Variants in SNX25 observed in about 807,000 individuals in gnomAD.
SNX25 encodes the protein sorting nexin-25.
SNX25 carries 62 observed loss-of-function variants against 113.7 expected under a neutral mutation model. That is an observed-to-expected ratio of 0.55 (90% CI 0.44 to 0.67). The LOEUF is 0.67. SNX25 is among the 30% of genes least tolerant of loss of function. SNX25 has a pLI of 0.00. For synonymous variants in SNX25, 421 were observed against 436.2 expected (o/e 0.97, Z 0.43); for missense variants, 1,014 against 1,161.0 (o/e 0.87, Z 1.84).
chr4:185,249,135 CAT>C (rs547370380), intron 2 of SNX25, among the ~76,000 whole-genome samples: 283 of 152,262 alleles, frequency 1.9e-3, no homozygotes, highest in African/African-American at 5.9e-3. Flanking sequence ...TTTCAGTGGA[CAT>C]ATGTTTTTCT....
At chr4:185,264,218 G>A (rs897850572) in intron 3 of SNX25, among the ~76,000 whole-genome samples, 25 of 152,052 alleles carry the variant, frequency 1.6e-4, no homozygotes, top group Admixed American at 1.4e-3. Context: ...ACTGAAGTTC[G>A]TTGTTATGAT....
rs149502217 is a variant in SNX25 at position 185,239,140 on chromosome 4, A to G, written c.430-8154A>G. On this transcript the variant is annotated intron_variant, in intron 1 of 18. Coordinates refer to ENST00000652585, the MANE Select transcript of SNX25 (RefSeq NM_001378034.2). ...TATATATTCAGAAAAGGGTTTATTG[A>G]TAAAACGTACATGCTTTTTCATGCT... 2.4e-4 allele frequency among the ~76,000 whole-genome samples: 37 copies of G among 152,304 alleles called. No homozygotes were observed. The East Asian group carries it at 7.1e-3, about 29-fold the overall frequency.
chr4:185,310,179 T>C (rs891208173), intron 6 of SNX25, among the ~76,000 whole-genome samples: 3 of 152,258 alleles, frequency 2.0e-5, no homozygotes, highest in Non-Finnish European at 4.4e-5. Flanking sequence ...TATAGGTGCT[T>C]GGATTCCTCT....
intron 8 of SNX25, 131 bp from the exon 9 acceptor site, chr4:185,323,397 C>A: frequency 2.6e-6 from 2 of 774,264 alleles, no homozygotes; most frequent in South Asian, 1.9e-5. Context: ...TGAATATGGA[C>A]ACAAAATTCT....
downstream of SNX25, chr4:185,364,677 T>G (rs560901570): frequency 6.6e-6 from 1 of 152,322 alleles, no homozygotes; most frequent in South Asian, 2.1e-4. Flanking sequence ...TATCCTTTTT[T>G]CAAACCATGA....
intron 7 of SNX25, among the ~76,000 whole-genome samples, chr4:185,315,055 C>T (rs1293994246): frequency 2.7e-5 from 4 of 150,756 alleles, no homozygotes; most frequent in African/African-American, 7.3e-5. Context: ...AGTGAAACCC[C>T]GTCTCTACTA....
intron 1 of SNX25, among the ~76,000 whole-genome samples, chr4:185,243,201 T>TA (rs1744325340): frequency 1.3e-5 from 2 of 152,214 alleles, no homozygotes; most frequent in African/African-American, 4.8e-5. Flanking sequence ...GTAAAATACT[T>TA]ATAAAATTTG....
At chr4:185,287,764 G>A (rs1751542445) in intron 5 of SNX25, among the ~76,000 whole-genome samples, 1 of 152,114 alleles carries the variant, frequency 6.6e-6, no homozygotes, top group Admixed American at 6.5e-5. Context: ...TATGCTTCTG[G>A]TATAGGGAAC....
intron 18 of SNX25, 106 bp downstream of exon 18, chr4:185,362,817 A>T: frequency 1.4e-6 from 1 of 703,562 alleles, no homozygotes; most frequent in Non-Finnish European, 2.4e-6. Context: ...TCATTCTCAC[A>T]TACTAGTCAT....
At chr4:185,353,855 C>T (rs1417811019) in intron 15 of SNX25, among the ~76,000 whole-genome samples, 1 of 152,012 alleles carries the variant, frequency 6.6e-6, no homozygotes, top group Non-Finnish European at 1.5e-5. Context: ...ACCATCCTGA[C>T]CAACATGGTG....
intron 7 of SNX25, among the ~76,000 whole-genome samples, chr4:185,320,328 G>A (rs186147892): frequency 2.0e-5 from 3 of 152,258 alleles, no homozygotes; most frequent in Admixed American, 1.3e-4. Context: ...CCTTTGCAGA[G>A]ACATGGATGA....
intron 1 of SNX25, among the ~76,000 whole-genome samples, chr4:185,221,319 C>T (rs981647607): frequency 5.9e-5 from 9 of 152,108 alleles, no homozygotes; most frequent in African/African-American, 2.2e-4. Flanking sequence ...AGGTGTGAGC[C>T]ACTGTGCCTG....
upstream of SNX25, among the ~76,000 whole-genome samples, chr4:185,207,480 A>G (rs1257074203): frequency 6.6e-6 from 1 of 152,070 alleles, no homozygotes; most frequent in African/African-American, 2.4e-5. Context: ...GGCTTCCCAA[A>G]GTGCTGGGAT....
At chr4:185,280,431 CA>C (rs796402061) in intron 5 of SNX25, among the ~76,000 whole-genome samples, 1 of 151,920 alleles carries the variant, frequency 6.6e-6, no homozygotes, top group Non-Finnish European at 1.5e-5. Flanking sequence ...TTTTATAAAA[CA>C]AAAAAATTAT....
At chr4:185,246,428 C>G (rs557516090) in intron 1 of SNX25, among the ~76,000 whole-genome samples, 1 of 152,290 alleles carries the variant, frequency 6.6e-6, no homozygotes, top group African/African-American at 2.4e-5. Context: ...GTCCTTTCTG[C>G]TGCTTTGGCA....
intron 6 of SNX25, among the ~76,000 whole-genome samples, 192 bp downstream of exon 6, chr4:185,288,274 C>T (rs2126610164): frequency 6.6e-6 from 1 of 152,274 alleles, no homozygotes; most frequent in East Asian, 1.9e-4. Context: ...CAACCTTTGT[C>T]TGTATTTCTG....
intron 1 of SNX25, among the ~76,000 whole-genome samples, chr4:185,224,436 T>A (rs994060246): frequency 2.9e-5 from 2 of 68,382 alleles, no homozygotes; most frequent in Admixed American, 3.4e-4. Flanking sequence ...TAAAAATATA[T>A]AGATATATAA....
chr4:185,256,624 C>CTTTT (rs35160292), intron 2 of SNX25, among the ~76,000 whole-genome samples: 2 of 112,584 alleles, frequency 1.8e-5, no homozygotes, highest in South Asian at 3.3e-4. Context: ...ACCTAAATTT[C>CTTTT]TTTTTTTTTT....
chr4:185,289,178 A>G (rs1018255054), intron 6 of SNX25, among the ~76,000 whole-genome samples: 7 of 152,246 alleles, frequency 4.6e-5, no homozygotes, highest in African/African-American at 1.7e-4. Context: ...GTGTTTACTG[A>G]GCACCTACTG....
Sources: gnomAD v4.1 joint callset for allele counts (sites outside exome capture counted in the v4.1 genomes callset) on GRCh38, gnomAD v4.1.1 for gene constraint, MANE v1.5 for transcripts, NCBI Gene and HGNC (gene_info 2026-07-23, HGNC 2026-07-21) for gene names.